Variants in CALCOCO2 observed in about 807,000 individuals in gnomAD.
The protein encoded by CALCOCO2 is calcium-binding and coiled-coil domain-containing protein 2.
CALCOCO2 carries 42 observed loss-of-function variants against 62.5 expected under a neutral mutation model. That is an observed-to-expected ratio of 0.67 (90% CI 0.53 to 0.87). The LOEUF (loss-of-function observed/expected upper bound fraction) is 0.87, where lower values mean the gene tolerates loss of function less well. Ranked by LOEUF, CALCOCO2 falls within the 40% of genes least tolerant of loss-of-function variation. The pLI, the probability that CALCOCO2 is intolerant of heterozygous loss-of-function variation, is 0.00. For synonymous variants in CALCOCO2, 167 were observed against 173.0 expected, an observed-to-expected ratio of 0.97 and a Z score of 0.27; for missense variants, 456 against 515.0, an observed-to-expected ratio of 0.89 and a Z score of 1.11.
chr17:48,861,657 G>GTA (rs1354448599), intron 11 of CALCOCO2, among the ~76,000 whole-genome samples: 1 of 41,678 alleles, frequency 2.4e-5, no homozygotes, highest in Non-Finnish European at 4.9e-5. Flanking sequence ...ATATATGTGT[G>GTA]TGTGTATATA....
At chr17:48,858,837 G>A (rs1598046748) in intron 10 of CALCOCO2, among the ~76,000 whole-genome samples, 1 of 151,230 alleles carries the variant, frequency 6.6e-6, no homozygotes, top group African/African-American at 2.4e-5. Context: ...GGTGGATCAC[G>A]AGGTCAGGAG....
At chr17:48,856,250 G>A (rs1207460078) in intron 10 of CALCOCO2, 63 bp downstream of exon 10, 3 of 859,556 alleles carry the variant, frequency 3.5e-6, no homozygotes, top group Non-Finnish European at 3.8e-6. Flanking sequence ...GGGTGGCCCA[G>A]AGATGTAGTG....
Position 48,858,046 on chromosome 17 carries a change from A to G in CALCOCO2, c.1008+1859A>G, listed in dbSNP as rs996834134. ...ATAGAATAGAATAGAATAGAATAGA[A>G]AATAGAATAGAATAGAATAGAATAG... On this transcript the variant is annotated intron_variant, in intron 10 of 12. Transcript: ENST00000258947. Among the ~76,000 whole-genome samples, 65 of 40,022 alleles carry G rather than the reference A, an allele frequency of 1.6e-3. 1 individual carries two copies. Among genetic ancestry groups the G allele is most frequent in the Admixed American group, 5.5e-3 (17 of 3,096 alleles). 26.3% of individuals were successfully genotyped at this position (40,022 alleles called of 152,430 possible). A position where few individuals can be genotyped will look rare whatever the true frequency, so the allele number is the denominator to read the frequency against.
At chr17:48,846,389 C>G (rs1335123860) in intron 2 of CALCOCO2, 1 of 740,070 alleles carries the variant, frequency 1.4e-6, no homozygotes, top group Non-Finnish European at 2.3e-6. Context: ...AGGAAGCAGT[C>G]TGCTTTCCTT....
intron 6 of CALCOCO2, 58 bp downstream of exon 6, chr17:48,851,235 A>AGT: frequency 1.1e-6 from 1 of 930,508 alleles, no homozygotes. Flanking sequence ...AGTACCCTTA[A>AGT]GTACAGTCAG....
intron 9 of CALCOCO2, among the ~76,000 whole-genome samples, chr17:48,853,733 T>A (rs1341346034): frequency 6.6e-6 from 1 of 152,244 alleles, no homozygotes; most frequent in Non-Finnish European, 1.5e-5. Context: ...CAGAAATGTT[T>A]TAGAAAGTAG....
rs1391248235 is a variant in CALCOCO2 at position 48,836,872 on chromosome 17, G to C, written c.-10-4826G>C. Among the ~76,000 whole-genome samples, 3 of 149,572 alleles carry C rather than the reference G, an allele frequency of 2.0e-5. No homozygotes were observed. The East Asian group carries it at 5.9e-4, about 29-fold the overall frequency. ...CCGCCTCCCAGGTTCAAGCTATTCT[G>C]CCTCAGCCTTCTGAGTAGCTGGAAT... On this transcript the variant is annotated intron_variant, in intron 1 of 12. Coordinates refer to ENST00000258947, the MANE Select transcript of CALCOCO2 (RefSeq NM_005831.5).
intron 4 of CALCOCO2, chr17:48,848,731 A>C (rs577929124): frequency 3.5e-6 from 2 of 571,412 alleles, no homozygotes; most frequent in African/African-American, 1.8e-5. Flanking sequence ...TCATCTACAC[A>C]TCTTATCACA....
At chr17:48,851,807 T>TA in intron 7 of CALCOCO2, 179 bp downstream of exon 7, 1 of 526,384 alleles carries the variant, frequency 1.9e-6, no homozygotes. Flanking sequence ...GCCTCCACCC[T>TA]ACCCATGCCC....
chr17:48,850,934 G>T, intron 5 of CALCOCO2, 155 bp from the exon 6 acceptor site: 6 of 400,816 alleles, frequency 1.5e-5, no homozygotes, highest in East Asian at 4.5e-5. Context: ...AAAAAAAAAA[G>T]AACATTTTCC....
At position 48,852,540 on chromosome 17, in the gene CALCOCO2, A is replaced by C; in HGVS notation, c.737A>C (p.Lys246Thr). 1 of 1,613,652 alleles carries C rather than the reference A, an allele frequency of 6.2e-7. No individual in the cohort carries two copies. The highest frequency in any genetic ancestry group is 8.5e-7 in the Non-Finnish European group (1 of 1,179,604). The change falls in exon 8 of 13, where the codon AAG becomes ACG. Residue 246 changes from lysine to threonine, a missense_variant. Around this residue, in one of 3 missense-constraint regions of CALCOCO2, gnomAD observed 236 missense variants for 225.3 expected, o/e 1.05. Coordinates refer to ENST00000258947, the MANE Select transcript of CALCOCO2 (RefSeq NM_005831.5). ...QLSTQEKEME[K>T]LVQGDQDKTE... Reference sequence around the variant, plus strand: ...TCAACTCAAGAGAAAGAAATGGAGAAGCTTGTTCAGGGAGATCAAGATAAG... The same window carrying C: ...TCAACTCAAGAGAAAGAAATGGAGACGCTTGTTCAGGGAGATCAAGATAAG...
At chr17:48,839,670 CTT>C (rs766846336) in intron 1 of CALCOCO2, among the ~76,000 whole-genome samples, 4 of 66,174 alleles carry the variant, frequency 6.0e-5, no homozygotes, top group Admixed American at 2.0e-4. Flanking sequence ...CTTTGCTTTG[CTT>C]TTTTTTTTTT....
rs925696569 is a variant in CALCOCO2 at position 48,864,575 on chromosome 17, T to A, written c.*1570T>A. 1 of 152,466 alleles carries A rather than the reference T, an allele frequency of 6.6e-6. No individual in the cohort carries two copies. Among genetic ancestry groups the A allele is most frequent in the African/African-American group, 2.4e-5 (1 of 41,454 alleles). 9.4% of individuals were successfully genotyped at this position (152,466 alleles called of 1,614,324 possible). ...AGTATCAGGTGGTCACTACAGAGACTTCCACAAAAACTTTTGAATGATGTG... is the reference window on the plus strand; with the variant it reads ...AGTATCAGGTGGTCACTACAGAGACATCCACAAAAACTTTTGAATGATGTG... On this transcript the variant is annotated 3_prime_UTR_variant, in exon 13 of 13. Transcript: ENST00000258947.
At chr17:48,862,371 A>G (rs182177933) in intron 12 of CALCOCO2, 67 bp downstream of exon 12, 226 of 1,062,472 alleles carry the variant, frequency 2.1e-4, no homozygotes, top group Non-Finnish European at 3.1e-4. Context: ...GCTCCAGTTC[A>G]TGGGAGAACC....
Position 48,846,570 on chromosome 17 carries a change from A to T in CALCOCO2, c.181-1494A>T, listed in dbSNP as rs568685308. On this transcript the variant is annotated intron_variant, in intron 2 of 12. Coordinates refer to ENST00000258947, the MANE Select transcript of CALCOCO2 (RefSeq NM_005831.5). ...CAGCAATAATTCTTAGGCCTTCCCA[A>T]TGATATTTTGGTCACAGTGCATTAA... is the stretch of plus-strand genomic sequence containing the variant. 5.1e-6 allele frequency: 4 copies of T among 782,430 alleles called. No homozygotes were observed. The Admixed American group carries it at 8.7e-5, about 17-fold the overall frequency. 48.5% of individuals were successfully genotyped at this position (782,430 alleles called of 1,614,324 possible). A position where few individuals can be genotyped will look rare whatever the true frequency, so the allele number is the denominator to read the frequency against.
chr17:48,854,398 T>TATATATATATATA (rs1567757340), intron 9 of CALCOCO2, among the ~76,000 whole-genome samples: 1 of 1,358 alleles, frequency 7.4e-4, no homozygotes, highest in African/African-American at 1.1e-3. Context: ...ATATATATAT[T>TATATATATATATA]TTTTTTTTTT....
Position 48,841,777 on chromosome 17 carries a change from A to AT in CALCOCO2, c.71dup (p.Phe25LeufsTer2). The AT allele has an allele frequency of 1.2e-6, 2 of 1,613,706 alleles. No homozygotes were observed. The highest frequency in any genetic ancestry group is 1.7e-6 in the Non-Finnish European group (2 of 1,179,664). ...GGATCACTGTCATTTCTCTCAGGTC[A>AT]TCTTTAACAGTGTGGAGAAGTTCTA... On this transcript the variant is annotated frameshift_variant, in exon 2 of 13. Transcript: ENST00000258947. LOFTEE classifies it high-confidence loss of function.
chr17:48,838,150 G>A (rs912432040), intron 1 of CALCOCO2, among the ~76,000 whole-genome samples: 2 of 152,106 alleles, frequency 1.3e-5, no homozygotes, highest in Non-Finnish European at 1.5e-5. Flanking sequence ...AAGGGGGTAT[G>A]CGTGAGAGGG....
intron 1 of CALCOCO2, among the ~76,000 whole-genome samples, chr17:48,837,187 A>C (rs1028232975): frequency 6.6e-6 from 1 of 152,214 alleles, no homozygotes; most frequent in African/African-American, 2.4e-5. Context: ...GCTGGCCTCC[A>C]TATGACGGTA....
Sources: allele counts gnomAD v4.1 joint callset (sites outside exome capture counted in the v4.1 genomes callset), GRCh38; gene constraint gnomAD v4.1.1; regional missense constraint gnomAD v4.1.1; transcripts MANE v1.5; gene names NCBI Gene and HGNC (gene_info 2026-07-23, HGNC 2026-07-21).